The following CWC22 variants were observed in gnomAD, a reference collection of about 807,000 sequenced individuals.
The protein encoded by CWC22 is CWC22 spliceosome associated protein, also known as pre-mRNA-splicing factor CWC22 homolog.
CWC22 carries 53 observed loss-of-function variants against 117.2 expected under a neutral mutation model. The observed-to-expected ratio is 0.45, with a 90% CI of 0.36 to 0.57. CWC22 has a LOEUF of 0.57. CWC22 is among the 20% of genes least tolerant of loss of function. CWC22 has a pLI of 0.00. For synonymous variants in CWC22, 360 were observed against 355.6 expected (o/e 1.01, Z -0.14); for missense variants, 980 against 1,068.8 (o/e 0.92, Z 1.16).
intron 1 of CWC22, among the ~76,000 whole-genome samples, chr2:179,998,578 AAAATGGTAAATTAT>A (rs527720467): frequency 1.2e-4 from 18 of 152,298 alleles, no homozygotes; most frequent in African/African-American, 4.3e-4. Flanking sequence ...AATTGAAGCC[AAAATGGTAAATTAT>A]AAAATGTAAA....
At chr2:179,993,821 T>C (rs549098685) in intron 1 of CWC22, among the ~76,000 whole-genome samples, 25 of 152,136 alleles carry the variant, frequency 1.6e-4, no homozygotes, top group African/African-American at 5.5e-4. Flanking sequence ...GAGGAAACGA[T>C]AGAAGAGAAA....
intron 4 of CWC22, among the ~76,000 whole-genome samples, chr2:179,983,857 T>A (rs1687348977): frequency 6.6e-6 from 1 of 152,002 alleles, no homozygotes. Context: ...TCCAAGAGAG[T>A]AGCTACAGCA....
intron 16 of CWC22, among the ~76,000 whole-genome samples, chr2:179,952,972 T>C (rs888354167): frequency 6.6e-6 from 1 of 152,066 alleles, no homozygotes; most frequent in Non-Finnish European, 1.5e-5. Flanking sequence ...TAGGCTACAA[T>C]TTTGTTTAGC....
intron 12 of CWC22, 48 bp downstream of exon 12, chr2:179,965,826 GAATT>G: frequency 7.9e-7 from 1 of 1,267,054 alleles, no homozygotes; most frequent in Non-Finnish European, 1.1e-6. Flanking sequence ...GATTACATTA[GAATT>G]AATTTTAGAG....
At chr2:179,976,828 G>A (rs1687165571) in intron 6 of CWC22, among the ~76,000 whole-genome samples, 1 of 152,166 alleles carries the variant, frequency 6.6e-6, no homozygotes, top group Non-Finnish European at 1.5e-5. Context: ...CAGCCATTAT[G>A]AAAATAGTAT....
chr2:179,975,752 G>A (rs6742058), intron 6 of CWC22, among the ~76,000 whole-genome samples: 22,751 of 152,008 alleles, frequency 0.15, 2,085 homozygotes, highest in Admixed American at 0.29. Context: ...ACTACAAATT[G>A]CTGATGAAAA....
At chr2:179,997,312 G>C (rs1464520145) in intron 1 of CWC22, among the ~76,000 whole-genome samples, 2 of 151,546 alleles carry the variant, frequency 1.3e-5, no homozygotes, top group African/African-American at 4.8e-5. Context: ...CTGTTCCTTA[G>C]AGTAATGACT....
chr2:179,986,133 T>C (rs1327738098), intron 4 of CWC22, among the ~76,000 whole-genome samples: 1 of 152,102 alleles, frequency 6.6e-6, no homozygotes, highest in East Asian at 1.9e-4. Context: ...CCCTTGCCCA[T>C]TTCTCAACCA....
intron 13 of CWC22, among the ~76,000 whole-genome samples, chr2:179,964,070 A>G (rs1225592848): frequency 6.6e-6 from 1 of 152,174 alleles, no homozygotes; most frequent in Non-Finnish European, 1.5e-5. Context: ...GAGTCCTCAA[A>G]ATCTTCCTAA....
Position 179,989,284 on chromosome 2 carries a change from G to T in CWC22, c.28-640C>A, listed in dbSNP as rs182953764. ...TATTATTATTATTTTTTGAGACAGG[G>T]TCTTGCTCTGTTGCCCAGGCTGGAG... On this transcript the variant is annotated intron_variant, in intron 2 of 19. Transcript: ENST00000410053. Among the ~76,000 whole-genome samples, 139 of 151,166 alleles carry T rather than the reference G, an allele frequency of 9.2e-4. 1 individual carries two copies. Among genetic ancestry groups the T allele is most frequent in the Admixed American group, 4.0e-3 (60 of 15,156 alleles).
At chr2:179,963,044 T>C (rs1686794227) in intron 13 of CWC22, among the ~76,000 whole-genome samples, 1 of 152,140 alleles carries the variant, frequency 6.6e-6, no homozygotes, top group Non-Finnish European at 1.5e-5. Flanking sequence ...GACACCACTA[T>C]GTAGTAGTGG....
chr2:179,971,934 T>C (rs1370334956), intron 8 of CWC22, among the ~76,000 whole-genome samples: 1 of 152,176 alleles, frequency 6.6e-6, no homozygotes, highest in Non-Finnish European at 1.5e-5. Flanking sequence ...CTTAGGTCAG[T>C]GACAAGAAAA....
intron 4 of CWC22, 24 bp from the exon 5 acceptor site, chr2:179,982,021 G>A (rs896498707): frequency 1.7e-5 from 22 of 1,288,036 alleles, no homozygotes; most frequent in Middle Eastern, 3.9e-4. Flanking sequence ...TTTTTGAAGA[G>A]CAGAAAAGAC....
At chr2:179,968,071 T>C in intron 11 of CWC22, among the ~76,000 whole-genome samples, 1 of 152,204 alleles carries the variant, frequency 6.6e-6, no homozygotes, top group East Asian at 1.9e-4. Flanking sequence ...AAATGTGCTA[T>C]CTAGGTATTA....
At position 179,971,068 on chromosome 2, in the gene CWC22, T is replaced by C. The variant is rs181417247; in HGVS notation, c.813A>G (p.Glu271=). ...AAGTGAGCATCTCTAAGCATAATACTTCGTGTGCCTTAAATAAAATACATA... is the reference window on the plus strand; with the variant it reads ...AAGTGAGCATCTCTAAGCATAATACCTCGTGTGCCTTAAATAAAATACATA... ...AHLINQNVAH[E]VLCLEMLTLL... The change falls in exon 9 of 20, where the codon GAA becomes GAG. Residue 271 remains glutamate, a synonymous_variant. Transcript: ENST00000410053. The C allele has an allele frequency of 3.3e-4, 515 of 1,561,916 alleles. 3 individuals carry two copies. The African/African-American group carries it at 6.2e-3, about 19-fold the overall frequency.
intron 14 of CWC22, among the ~76,000 whole-genome samples, chr2:179,958,720 C>G (rs1381164124): frequency 6.6e-6 from 1 of 152,096 alleles, no homozygotes; most frequent in African/African-American, 2.4e-5. Flanking sequence ...AAATTTCCTA[C>G]TATATTCAAG....
intron 1 of CWC22, among the ~76,000 whole-genome samples, chr2:179,995,717 T>C (rs1687681026): frequency 6.6e-6 from 1 of 152,164 alleles, no homozygotes; most frequent in Non-Finnish European, 1.5e-5. Context: ...AAAAGCAGGC[T>C]GAGTCTAGAG....
At chr2:179,973,827 G>A (rs761817721) in intron 6 of CWC22, 25 bp from the exon 7 acceptor site, 45 of 1,427,916 alleles carry the variant, frequency 3.2e-5, no homozygotes, top group Non-Finnish European at 3.9e-5. Flanking sequence ...ATTTAAAAAG[G>A]AGTCAACAAT....
rs1575652230 is a variant in CWC22, at chr2:179,981,694, T to G, written c.452+58A>C. The G allele has an allele frequency of 2.4e-5, 35 of 1,448,996 alleles. 1 individual carries two copies. The East Asian group carries it at 7.8e-4, about 32-fold the overall frequency. 89.8% of individuals were successfully genotyped at this position (1,448,996 alleles called of 1,614,324 possible). ...AGAACCAGGGTTAATTAAACCACAG[T>G]TGACTTATTTTTCAATGACAATTTC... is the stretch of plus-strand genomic sequence containing the variant. On this transcript the variant is annotated intron_variant, in intron 5 of 19. Coordinates refer to ENST00000410053, the MANE Select transcript of CWC22 (RefSeq NM_020943.3).
Sources: allele counts gnomAD v4.1 joint callset (sites outside exome capture counted in the v4.1 genomes callset), GRCh38; gene constraint gnomAD v4.1.1; transcripts MANE v1.5; gene names NCBI Gene and HGNC (gene_info 2026-07-23, HGNC 2026-07-21).